DGKB: variants seen among roughly 807,000 people sequenced by gnomAD.
The protein encoded by DGKB is diacylglycerol kinase beta, also known as 90 kDa diacylglycerol kinase.
DGKB carries 67 observed loss-of-function variants against 114.3 expected under a neutral mutation model. The observed-to-expected ratio is 0.59, with a 90% confidence interval of 0.48 to 0.72. The LOEUF is 0.72. DGKB is among the 30% of genes least tolerant of loss of function. DGKB has a pLI of 0.00. For missense variants in DGKB, 907 were observed against 975.2 expected (o/e 0.93, Z 0.93); for synonymous variants, 398 against 323.1 (o/e 1.23, Z -2.49).
At position 14,638,642 on chromosome 7, in the gene DGKB, GCT is replaced by G. The variant is rs1170255693; in HGVS notation, c.1135-8376_1135-8375del. Among the ~76,000 whole-genome samples the G allele has an allele frequency of 6.6e-5, 10 of 152,240 alleles. No homozygotes were observed. The South Asian group carries it at 1.7e-3, about 25-fold the overall frequency. The stretch of plus-strand genomic sequence containing the variant: ...TGGGAGTGATAAGAATAATGGGGGT[GCT>G]AGTCAATGAGCATAAGGGACAGTTT... On this transcript the variant is annotated intron_variant, in intron 13 of 25. Transcript: ENST00000402815.
rs140969850 is a variant in DGKB at position 14,159,551 on chromosome 7, T to G, written c.2305-10313A>C. ...TGCACTGAGTTCAGAGATCATATCTTTTTTTGGTTCACTTTGTATTGTTTT... is the reference window on the plus strand; with the variant it reads ...TGCACTGAGTTCAGAGATCATATCTGTTTTTGGTTCACTTTGTATTGTTTT... On this transcript the variant is annotated intron_variant, in intron 25 of 25. Transcript: ENST00000402815. Among the ~76,000 whole-genome samples the G allele has an allele frequency of 8.6e-3, 1,313 of 152,298 alleles. 15 individuals are homozygous for G. The highest frequency in any genetic ancestry group is 0.03 in the African/African-American group (1,250 of 41,562).
At chr7:14,373,092 C>T (rs942822802) in intron 21 of DGKB, among the ~76,000 whole-genome samples, 1 of 152,268 alleles carries the variant, frequency 6.6e-6, no homozygotes, top group South Asian at 2.1e-4. Flanking sequence ...AATTCTCTTT[C>T]CTTCTTGCAC....
intron 21 of DGKB, among the ~76,000 whole-genome samples, chr7:14,349,673 A>G (rs1036855738): frequency 6.6e-6 from 1 of 152,194 alleles, no homozygotes; most frequent in Non-Finnish European, 1.5e-5. Flanking sequence ...AGGTAATAAA[A>G]TGCACATGGT....
intron 1 of DGKB, among the ~76,000 whole-genome samples, chr7:14,866,427 C>A (rs1185552800): frequency 1.3e-5 from 2 of 152,176 alleles, no homozygotes; most frequent in Non-Finnish European, 2.9e-5. Flanking sequence ...CAACCCTTTG[C>A]AAACACTAAT....
chr7:14,769,948 T>C (rs1837172282), intron 2 of DGKB, among the ~76,000 whole-genome samples: 1 of 152,138 alleles, frequency 6.6e-6, no homozygotes, highest in African/African-American at 2.4e-5. Flanking sequence ...TCAAATGTAA[T>C]TACAAAATAA....
chr7:14,365,408 T>C (rs138171259), intron 21 of DGKB, among the ~76,000 whole-genome samples: 322 of 152,118 alleles, frequency 2.1e-3, no homozygotes, highest in African/African-American at 7.4e-3. Context: ...GAGTGATATA[T>C]GTAAAAGAAT....
At chr7:14,344,170 G>A (rs536212870) in intron 22 of DGKB, among the ~76,000 whole-genome samples, 12 of 151,024 alleles carry the variant, frequency 7.9e-5, no homozygotes, top group African/African-American at 2.7e-4. Context: ...GAAAGTCCAC[G>A]TTGAACCCAA....
At chr7:14,787,191 C>T (rs887458608) in intron 2 of DGKB, among the ~76,000 whole-genome samples, 1 of 152,186 alleles carries the variant, frequency 6.6e-6, no homozygotes, top group African/African-American at 2.4e-5. Flanking sequence ...CCAGCTTAAG[C>T]AACAACAGTA....
chr7:14,629,245 T>G lies in DGKB; in HGVS notation c.1167+991A>C, dbSNP rs1374266288. Among the ~76,000 whole-genome samples the G allele has an allele frequency of 7.2e-5, 11 of 152,198 alleles. No individual in the cohort carries two copies. In the East Asian group the frequency reaches 2.1e-3, roughly 29 times the overall value. On this transcript the variant is annotated intron_variant, in intron 14 of 25. Coordinates refer to ENST00000402815, the MANE Select transcript of DGKB (RefSeq NM_001350709.2). ...CATCTCTATTTTATAATAATAATTG[T>G]GATAATAATGTCACCAACTCACTTA...
At chr7:14,732,224 T>A (rs1831028260) in intron 5 of DGKB, among the ~76,000 whole-genome samples, 1 of 152,084 alleles carries the variant, frequency 6.6e-6, no homozygotes, top group Non-Finnish European at 1.5e-5. Context: ...GTTTTGTTTT[T>A]TCTTGAGAAG....
rs59367496 is a variant in DGKB, at chr7:14,845,106, C to CAA, written c.-187-3658_-187-3657dup. Among the ~76,000 whole-genome samples the CAA allele has an allele frequency of 4.9e-4, 44 of 89,230 alleles. 1 individual carries two copies. Among genetic ancestry groups the CAA allele is most frequent in the Non-Finnish European group, 8.0e-4 (36 of 45,266 alleles). 58.5% of individuals were successfully genotyped at this position (89,230 alleles called of 152,430 possible). On this transcript the variant is annotated intron_variant, in intron 1 of 25. Transcript: ENST00000402815. ...TCAGTGACAGAGCAAGGCCCTGTGT[C>CAA]AAAAAAAAAAAAAAAAAAAAAAAAA...
At chr7:14,753,503 GACAAA>G (rs367616456) in intron 4 of DGKB, among the ~76,000 whole-genome samples, 3,254 of 130,804 alleles carry the variant, frequency 0.025, 115 homozygotes, top group African/African-American at 0.12. Context: ...CAGCACTGTA[GACAAA>G]ACAAAACAAA....
intron 23 of DGKB, among the ~76,000 whole-genome samples, chr7:14,309,446 C>T (rs1384399219): frequency 5.3e-5 from 8 of 152,154 alleles, no homozygotes; most frequent in African/African-American, 1.9e-4. Context: ...GCAAGGACAG[C>T]AGAGGACCAG....
At chr7:14,219,634 T>G (rs1021036974) in intron 23 of DGKB, among the ~76,000 whole-genome samples, 2 of 151,802 alleles carry the variant, frequency 1.3e-5, no homozygotes, top group African/African-American at 4.8e-5. Flanking sequence ...ATTGGGCTAT[T>G]TATTTTTTGT....
chr7:14,215,882 C>A (rs1050831310), intron 23 of DGKB, among the ~76,000 whole-genome samples: 5 of 152,158 alleles, frequency 3.3e-5, no homozygotes, highest in African/African-American at 1.2e-4. Context: ...TTTATTTATA[C>A]AATGTTAAGC....
At chr7:14,789,644 T>C (rs1221678220) in intron 2 of DGKB, among the ~76,000 whole-genome samples, 2 of 152,110 alleles carry the variant, frequency 1.3e-5, no homozygotes, top group Non-Finnish European at 2.9e-5. Flanking sequence ...AGCCTTGACC[T>C]CCTGGCTCAA....
At chr7:14,255,618 A>T (rs1012697037) in intron 23 of DGKB, among the ~76,000 whole-genome samples, 1 of 152,166 alleles carries the variant, frequency 6.6e-6, no homozygotes, top group African/African-American at 2.4e-5. Context: ...TTTCACGTGT[A>T]AAAAATAATA....
intron 1 of DGKB, among the ~76,000 whole-genome samples, chr7:14,957,450 G>C (rs938026894): frequency 2.0e-5 from 3 of 151,958 alleles, no homozygotes; most frequent in African/African-American, 4.8e-5. Context: ...GTACAAAAGA[G>C]CATGATAATA....
At chr7:14,509,093 A>T (rs936161075) in intron 20 of DGKB, among the ~76,000 whole-genome samples, 3 of 152,128 alleles carry the variant, frequency 2.0e-5, no homozygotes, top group Non-Finnish European at 4.4e-5. Flanking sequence ...TTTTGATTGG[A>T]CACCATACTG....
Sources: gnomAD v4.1 joint callset for allele counts (sites outside exome capture counted in the v4.1 genomes callset) on GRCh38, gnomAD v4.1.1 for gene constraint, MANE v1.5 for transcripts, NCBI Gene and HGNC (gene_info 2026-07-23, HGNC 2026-07-21) for gene names.